The following CNTN5 variants were observed in gnomAD, a reference collection of about 807,000 sequenced individuals.
CNTN5 encodes the protein contactin 5.
CNTN5 carries 77 observed loss-of-function variants against 129.1 expected under a neutral mutation model. The ratio of observed to expected loss-of-function variants is 0.60; its 90% CI spans 0.50 to 0.72. The LOEUF is 0.72. CNTN5 is among the 30% of genes least tolerant of loss of function. The pLI is 0.00. For missense variants in CNTN5, 1,478 were observed against 1,328.8 expected, an observed-to-expected ratio of 1.11 and a Z score of -1.75; for synonymous variants, 509 against 465.6, an observed-to-expected ratio of 1.09 and a Z score of -1.20.
chr11:99,786,697 A>C (rs1047812268), intron 3 of CNTN5, among the ~76,000 whole-genome samples: 8 of 152,118 alleles, frequency 5.3e-5, no homozygotes, highest in Non-Finnish European at 1.0e-4. Context: ...CAGAAATAAC[A>C]CTACACATCT....
At chr11:99,931,009 C>A (rs979591241) in intron 7 of CNTN5, among the ~76,000 whole-genome samples, 1 of 152,058 alleles carries the variant, frequency 6.6e-6, no homozygotes, top group African/African-American at 2.4e-5. Context: ...TATATACTCT[C>A]AAATTAATCA....
chr11:99,692,735 AT>A (rs2134797222), intron 3 of CNTN5, among the ~76,000 whole-genome samples: 1 of 152,144 alleles, frequency 6.6e-6, no homozygotes, highest in South Asian at 2.1e-4. Flanking sequence ...TTTTTTCATA[AT>A]TCACAAAACA....
chr11:99,510,548 A>G (rs1313644860), intron 2 of CNTN5, among the ~76,000 whole-genome samples: 1 of 152,206 alleles, frequency 6.6e-6, no homozygotes, highest in Non-Finnish European at 1.5e-5. Flanking sequence ...CATTCATACA[A>G]AATATGAGTA....
chr11:99,700,276 G>A (rs963963390), intron 3 of CNTN5, among the ~76,000 whole-genome samples: 7 of 151,234 alleles, frequency 4.6e-5, no homozygotes, highest in African/African-American at 1.5e-4. Flanking sequence ...TAGAGTACTC[G>A]GTCATTTCCA....
At chr11:99,255,091 A>ATT (rs1045427514) in intron 1 of CNTN5, among the ~76,000 whole-genome samples, 1 of 151,970 alleles carries the variant, frequency 6.6e-6, no homozygotes, top group African/African-American at 2.4e-5. Context: ...AACTATTTCT[A>ATT]TTATATATAT....
intron 3 of CNTN5, among the ~76,000 whole-genome samples, chr11:99,601,894 T>C (rs1247835256): frequency 2.6e-5 from 4 of 152,200 alleles, no homozygotes; most frequent in African/African-American, 9.7e-5. Flanking sequence ...GTAGAGAGTA[T>C]GCCATATACC....
chr11:99,871,258 A>T (rs1948496891), intron 6 of CNTN5, among the ~76,000 whole-genome samples: 1 of 152,064 alleles, frequency 6.6e-6, no homozygotes, highest in South Asian at 2.1e-4. Context: ...TATTAAGCGA[A>T]AATTATAAAC....
At chr11:99,164,700 A>C (rs1860792966) in intron 1 of CNTN5, among the ~76,000 whole-genome samples, 1 of 152,234 alleles carries the variant, frequency 6.6e-6, no homozygotes, top group Admixed American at 6.5e-5. Context: ...TTTTATAAAT[A>C]AGAATGTAAA....
intron 13 of CNTN5, among the ~76,000 whole-genome samples, chr11:100,154,709 GC>G (rs1379487453): frequency 6.6e-6 from 1 of 151,928 alleles, no homozygotes; most frequent in Non-Finnish European, 1.5e-5. Flanking sequence ...TTTAATGATG[GC>G]CATTCTAACT....
chr11:99,865,145 A>G (rs1261047542), intron 6 of CNTN5, among the ~76,000 whole-genome samples: 1 of 152,128 alleles, frequency 6.6e-6, no homozygotes, highest in Non-Finnish European at 1.5e-5. Context: ...TCAAATGTCA[A>G]CTTTTCTTTT....
chr11:99,238,597 G>C (rs1172431569), intron 1 of CNTN5, among the ~76,000 whole-genome samples: 1 of 152,058 alleles, frequency 6.6e-6, no homozygotes, highest in African/African-American at 2.4e-5. Context: ...TTGGAACATT[G>C]CCTAACTTGG....
chr11:99,393,533 C>T lies in CNTN5; in HGVS notation c.-71+68049C>T, dbSNP rs908829936. On this transcript the variant is annotated intron_variant, in intron 2 of 24. Transcript: ENST00000524871. ...GCTAAGTAAGTTAGTCAAAGTCACA[C>T]AGCTTGTAGATAGTGGAGTTGGGAT... is the stretch of plus-strand genomic sequence containing the variant. Among the ~76,000 whole-genome samples the T allele has an allele frequency of 4.0e-5, 6 of 151,890 alleles. No homozygotes were observed. The South Asian group carries it at 6.2e-4, about 16-fold the overall frequency.
chr11:99,188,419 C>T (rs571957416), intron 1 of CNTN5, among the ~76,000 whole-genome samples: 3 of 151,780 alleles, frequency 2.0e-5, no homozygotes, highest in African/African-American at 7.2e-5. Flanking sequence ...CACAGTCTTG[C>T]CAACAGAACA....
intron 3 of CNTN5, among the ~76,000 whole-genome samples, chr11:99,814,813 C>T (rs778282103): frequency 5.9e-5 from 9 of 152,026 alleles, no homozygotes; most frequent in Non-Finnish European, 1.0e-4. Context: ...CTATAGAGAA[C>T]GTCTCCAAAC....
At chr11:99,952,361 T>A (rs1950696953) in intron 7 of CNTN5, among the ~76,000 whole-genome samples, 1 of 152,018 alleles carries the variant, frequency 6.6e-6, no homozygotes, top group South Asian at 2.1e-4. Flanking sequence ...AGGAGATGAG[T>A]CATAATGGAT....
intron 2 of CNTN5, among the ~76,000 whole-genome samples, chr11:99,468,655 T>G (rs200788558): frequency 2.7e-3 from 1 of 370 alleles, no homozygotes; most frequent in Non-Finnish European, 0.013. Flanking sequence ...AGTTTTCACC[T>G]TTTTTTTTTT....
intron 1 of CNTN5, among the ~76,000 whole-genome samples, chr11:99,214,587 A>G (rs149053850): frequency 6.6e-6 from 1 of 152,026 alleles, no homozygotes; most frequent in Non-Finnish European, 1.5e-5. Flanking sequence ...GATGTTAACC[A>G]GAAGAATAAG....
At chr11:99,474,465 TA>T (rs1400955312) in intron 2 of CNTN5, among the ~76,000 whole-genome samples, 1 of 152,100 alleles carries the variant, frequency 6.6e-6, no homozygotes, top group Non-Finnish European at 1.5e-5. Context: ...TAATTATTAT[TA>T]CCATTATCAT....
intron 21 of CNTN5, among the ~76,000 whole-genome samples, chr11:100,334,930 A>T (rs1456108849): frequency 6.6e-6 from 1 of 151,656 alleles, no homozygotes; most frequent in Non-Finnish European, 1.5e-5. Context: ...CTGTTGAAAT[A>T]AAAAAAATGG....
Sources: gnomAD v4.1 joint callset for allele counts (sites outside exome capture counted in the v4.1 genomes callset) on GRCh38, gnomAD v4.1.1 for gene constraint, MANE v1.5 for transcripts, NCBI Gene and HGNC (gene_info 2026-07-23, HGNC 2026-07-21) for gene names.